Variants in OCA2 observed in about 807,000 individuals in gnomAD.
OCA2 encodes the protein OCA2 melanosomal transmembrane protein.
OCA2 carries 77 observed loss-of-function variants against 100.2 expected under a neutral mutation model. The observed-to-expected ratio is 0.77, with a 90% CI of 0.64 to 0.93. OCA2 has a LOEUF of 0.93. OCA2 is among the 40% of genes least tolerant of loss of function. The probability of loss-of-function intolerance (pLI) is 0.00; values close to 1 mark genes in which losing one functional copy is unlikely to be tolerated. For synonymous variants in OCA2, 432 were observed against 439.2 expected (o/e 0.98, Z 0.21); for missense variants, 1,062 against 1,089.1 (o/e 0.98, Z 0.35).
chr15:27,945,247 C>T (rs112937119), intron 18 of OCA2, among the ~76,000 whole-genome samples: 42 of 152,262 alleles, frequency 2.8e-4, no homozygotes, highest in Middle Eastern at 3.4e-3. Flanking sequence ...CACTTGTTCC[C>T]GTCCACCTGC....
intron 18 of OCA2, among the ~76,000 whole-genome samples, chr15:27,931,674 T>C (rs2039255834): frequency 6.6e-6 from 1 of 152,180 alleles, no homozygotes; most frequent in Non-Finnish European, 1.5e-5. Flanking sequence ...AAATGATCTG[T>C]TCTTATTTTC....
intron 2 of OCA2, among the ~76,000 whole-genome samples, chr15:28,080,219 G>A (rs2044576186): frequency 6.6e-6 from 1 of 152,212 alleles, no homozygotes; most frequent in African/African-American, 2.4e-5. Context: ...GCTGGGAGAA[G>A]ATCCTGCAAC....
chr15:28,026,102 C>T (rs373357059), intron 4 of OCA2, among the ~76,000 whole-genome samples: 1 of 152,324 alleles, frequency 6.6e-6, no homozygotes, highest in Non-Finnish European at 1.5e-5. Context: ...TGCAGCAGAG[C>T]TGACAACCCA....
At chr15:27,837,307 G>C (rs537934692) in intron 23 of OCA2, among the ~76,000 whole-genome samples, 76 of 152,306 alleles carry the variant, frequency 5.0e-4, no homozygotes, top group African/African-American at 1.8e-3. Flanking sequence ...TCTTGCTTCT[G>C]GTAGGCAAGG....
intron 18 of OCA2, among the ~76,000 whole-genome samples, chr15:27,948,875 G>T (rs973581766): frequency 2.0e-5 from 3 of 152,274 alleles, no homozygotes; most frequent in African/African-American, 4.8e-5. Context: ...CCATGTATAT[G>T]ACAGCCCCAA....
Position 27,796,589 on chromosome 15 carries a change from C to T in OCA2, c.2433-41117G>A, listed in dbSNP as rs116038094. Among the ~76,000 whole-genome samples the T allele has an allele frequency of 4.9e-3, 749 of 151,816 alleles. 2 individuals carry two copies. Among genetic ancestry groups the T allele is most frequent in the African/African-American group, 0.017 (709 of 41,384 alleles). On this transcript the variant is annotated intron_variant, in intron 23 of 23. Transcript: ENST00000354638. Reference sequence around the variant, plus strand: ...CCAACAGGTGTAACAGGTCTAAGCACGGAGTCAGGGCAGGGCAGGTGCTCA... The same window carrying T: ...CCAACAGGTGTAACAGGTCTAAGCATGGAGTCAGGGCAGGGCAGGTGCTCA...
intron 23 of OCA2, among the ~76,000 whole-genome samples, chr15:27,804,762 A>G (rs28475465): frequency 0.34 from 51,837 of 152,120 alleles, 10,663 homozygotes; most frequent in South Asian, 0.56. Flanking sequence ...CTTGGCCAGG[A>G]AAGACCAGAC....
intron 2 of OCA2, among the ~76,000 whole-genome samples, chr15:28,064,410 C>G (rs1454302194): frequency 1.3e-5 from 2 of 151,758 alleles, no homozygotes; most frequent in Non-Finnish European, 2.9e-5. Context: ...GTATGTTGTA[C>G]TATTTGATGG....
At chr15:27,879,714 T>C (rs1252724185) in intron 19 of OCA2, among the ~76,000 whole-genome samples, 3 of 152,194 alleles carry the variant, frequency 2.0e-5, no homozygotes, top group African/African-American at 7.2e-5. Flanking sequence ...TTTTTTATTG[T>C]AAATTTGTTT....
At chr15:27,898,570 C>G (rs928202947) in intron 19 of OCA2, among the ~76,000 whole-genome samples, 2 of 152,194 alleles carry the variant, frequency 1.3e-5, no homozygotes, top group Non-Finnish European at 2.9e-5. Context: ...TCTCTTTCTT[C>G]CCTGTCTCAG....
chr15:27,827,820 A>T (rs1420008085), intron 23 of OCA2, among the ~76,000 whole-genome samples: 1 of 152,188 alleles, frequency 6.6e-6, no homozygotes, highest in East Asian at 1.9e-4. Flanking sequence ...TTAAAAATGT[A>T]AATTCGAATT....
intron 21 of OCA2, among the ~76,000 whole-genome samples, chr15:27,863,466 T>C (rs1233691066): frequency 6.6e-6 from 1 of 151,922 alleles, no homozygotes. Context: ...ATGTGTGGAG[T>C]GGGTCACCCG....
intron 23 of OCA2, among the ~76,000 whole-genome samples, chr15:27,838,949 T>C (rs1330253126): frequency 6.6e-6 from 1 of 152,104 alleles, no homozygotes; most frequent in African/African-American, 2.4e-5. Flanking sequence ...GAGCATCCAA[T>C]AAACTTAATC....
At chr15:27,827,156 T>C (rs975925566) in intron 23 of OCA2, among the ~76,000 whole-genome samples, 8 of 152,328 alleles carry the variant, frequency 5.3e-5, no homozygotes, top group Non-Finnish European at 8.8e-5. Context: ...TCTCCACGGA[T>C]ATGAAACATA....
intron 18 of OCA2, among the ~76,000 whole-genome samples, chr15:27,932,450 T>C (rs2039286970): frequency 1.4e-5 from 2 of 145,508 alleles, no homozygotes; most frequent in African/African-American, 2.5e-5. Flanking sequence ...ACTGAGATAT[T>C]CAAAAACAAA....
intron 19 of OCA2, among the ~76,000 whole-genome samples, chr15:27,923,187 T>C (rs2038928230): frequency 6.6e-6 from 1 of 152,162 alleles, no homozygotes; most frequent in South Asian, 2.1e-4. Context: ...GTGTATATGT[T>C]TATACATATA....
chr15:27,856,237 T>A (rs2035944404), intron 21 of OCA2, among the ~76,000 whole-genome samples: 2 of 152,210 alleles, frequency 1.3e-5, no homozygotes, highest in African/African-American at 4.8e-5. Flanking sequence ...TGATTATCTC[T>A]GTAAAGGCCC....
At chr15:27,875,463 GA>G (rs922190509) in intron 19 of OCA2, among the ~76,000 whole-genome samples, 2 of 151,948 alleles carry the variant, frequency 1.3e-5, no homozygotes, top group African/African-American at 2.4e-5. Flanking sequence ...TCCTTTTGGG[GA>G]AAAAAATGCT....
intron 16 of OCA2, among the ~76,000 whole-genome samples, chr15:27,956,747 G>A (rs912537831): frequency 2.1e-4 from 32 of 152,338 alleles, no homozygotes; most frequent in African/African-American, 7.7e-4. Flanking sequence ...GACCGGGGAT[G>A]AAGCCAATGG....
Sources: allele counts gnomAD v4.1 joint callset (sites outside exome capture counted in the v4.1 genomes callset), GRCh38; gene constraint gnomAD v4.1.1; transcripts MANE v1.5; gene names NCBI Gene and HGNC (gene_info 2026-07-23, HGNC 2026-07-21).